PTPRT: variants seen among roughly 807,000 people sequenced by gnomAD.
PTPRT encodes the protein protein tyrosine phosphatase receptor type T, also known as receptor-type tyrosine-protein phosphatase T.
PTPRT carries 56 observed loss-of-function variants against 176.8 expected under a neutral mutation model. The observed-to-expected ratio is 0.32, with a 90% confidence interval of 0.26 to 0.40. The LOEUF (loss-of-function observed/expected upper bound fraction) is 0.40, where lower values mean the gene tolerates loss of function less well. Among genes scored for constraint, PTPRT ranks in the 10% least tolerant of loss-of-function variants. The pLI, the probability that PTPRT is intolerant of heterozygous loss-of-function variation, is 1.00. For missense variants in PTPRT, 1,540 were observed against 1,908.2 expected, an observed-to-expected ratio of 0.81 and a Z score of 3.60; for synonymous variants, 783 against 739.0, an observed-to-expected ratio of 1.06 and a Z score of -0.96.
At chr20:42,678,488 A>G (rs1386617376) in intron 6 of PTPRT, among the ~76,000 whole-genome samples, 1 of 151,908 alleles carries the variant, frequency 6.6e-6, no homozygotes, top group East Asian at 1.9e-4. Context: ...TGTAGTGCAG[A>G]TGGGGTTTCA....
At chr20:43,167,718 T>TGG (rs1568823506) in intron 1 of PTPRT, among the ~76,000 whole-genome samples, 2 of 152,162 alleles carry the variant, frequency 1.3e-5, no homozygotes, top group Non-Finnish European at 2.9e-5. Context: ...AGCCCACATA[T>TGG]GTTAGAAAGG....
intron 6 of PTPRT, among the ~76,000 whole-genome samples, chr20:42,722,621 C>A (rs1304800064): frequency 1.3e-5 from 2 of 152,142 alleles, no homozygotes; most frequent in Admixed American, 1.3e-4. Context: ...GCTCTCTGTC[C>A]AAAAGTAGGA....
At chr20:43,110,896 G>T (rs1343592723) in intron 1 of PTPRT, among the ~76,000 whole-genome samples, 3 of 152,182 alleles carry the variant, frequency 2.0e-5, no homozygotes, top group Non-Finnish European at 4.4e-5. Flanking sequence ...TCTTATGCTA[G>T]CTCCAGGGAC....
intron 2 of PTPRT, among the ~76,000 whole-genome samples, chr20:42,795,075 C>T (rs1051471790): frequency 5.9e-5 from 9 of 152,114 alleles, no homozygotes; most frequent in African/African-American, 2.2e-4. Flanking sequence ...TTAATATCAT[C>T]CCAGGGCTGT....
intron 1 of PTPRT, among the ~76,000 whole-genome samples, chr20:42,997,439 A>C (rs756357926): frequency 1.3e-5 from 2 of 152,176 alleles, no homozygotes; most frequent in Non-Finnish European, 2.9e-5. Flanking sequence ...CACTTGAGAG[A>C]AACTGAGCCC....
chr20:42,284,293 C>T (rs2057191194), intron 12 of PTPRT, among the ~76,000 whole-genome samples: 1 of 151,946 alleles, frequency 6.6e-6, no homozygotes, highest in African/African-American at 2.4e-5. Context: ...CCGTCTCCCC[C>T]AACCAAAAAT....
intron 1 of PTPRT, among the ~76,000 whole-genome samples, chr20:42,982,305 C>T (rs1983329435): frequency 6.6e-6 from 1 of 152,186 alleles, no homozygotes; most frequent in African/African-American, 2.4e-5. Flanking sequence ...TCCATCTGTC[C>T]TCACAGAGCT....
intron 1 of PTPRT, among the ~76,000 whole-genome samples, chr20:43,039,900 C>A (rs149077185): frequency 2.6e-5 from 4 of 152,028 alleles, no homozygotes; most frequent in South Asian, 2.1e-4. Flanking sequence ...AATTAGCCAG[C>A]TGCAGTGGCA....
Position 42,321,423 on chromosome 20 carries a change from C to A in PTPRT, c.1866-5427G>T, listed in dbSNP as rs539173021. Reference sequence around the variant, plus strand: ...TACAAAATCATAAACCTAGGTGATTCTGATGTTTATACGCTTGCCCTTATG... The same window carrying A: ...TACAAAATCATAAACCTAGGTGATTATGATGTTTATACGCTTGCCCTTATG... On this transcript the variant is annotated intron_variant, in intron 11 of 30. Transcript: ENST00000373187. Among the ~76,000 whole-genome samples the A allele has an allele frequency of 3.9e-5, 6 of 152,234 alleles. No homozygotes were observed. The East Asian group carries it at 7.7e-4, about 20-fold the overall frequency.
chr20:42,095,441 C>A (rs773067767), intron 27 of PTPRT, among the ~76,000 whole-genome samples: 2 of 152,198 alleles, frequency 1.3e-5, no homozygotes, highest in African/African-American at 4.8e-5. Context: ...CATGCCTACC[C>A]TGCAGCCTGG....
At chr20:42,633,999 TTA>T (rs376545714) in intron 7 of PTPRT, among the ~76,000 whole-genome samples, 2,008 of 26,600 alleles carry the variant, frequency 0.075, 122 homozygotes, top group Non-Finnish European at 0.089. Context: ...ATTATATATA[TTA>T]TATATATATA....
intron 27 of PTPRT, among the ~76,000 whole-genome samples, chr20:42,095,671 T>C (rs1363335088): frequency 6.6e-6 from 1 of 152,260 alleles, no homozygotes; most frequent in African/African-American, 2.4e-5. Flanking sequence ...TTCTAACTTA[T>C]AATTGAGCAC....
At chr20:43,024,516 G>T (rs1985834476) in intron 1 of PTPRT, among the ~76,000 whole-genome samples, 1 of 151,648 alleles carries the variant, frequency 6.6e-6, no homozygotes. Context: ...CTTGAACCTG[G>T]GAGGTGGAGG....
intron 6 of PTPRT, among the ~76,000 whole-genome samples, chr20:42,725,694 TAG>T (rs1555905705): frequency 6.6e-6 from 1 of 151,964 alleles, no homozygotes; most frequent in Non-Finnish European, 1.5e-5. Flanking sequence ...TGCGCAGAAA[TAG>T]AAACACTTTT....
intron 23 of PTPRT, among the ~76,000 whole-genome samples, chr20:42,108,052 C>G (rs1986636564): frequency 6.6e-6 from 1 of 152,090 alleles, no homozygotes; most frequent in African/African-American, 2.4e-5. Flanking sequence ...GGGGGGGTCA[C>G]TCGTGTTTTT....
chr20:42,295,475 A>G (rs1010616670), intron 12 of PTPRT, among the ~76,000 whole-genome samples: 7 of 152,222 alleles, frequency 4.6e-5, no homozygotes, highest in African/African-American at 1.7e-4. Context: ...AGTTCATCCA[A>G]AAAATACGAC....
intron 9 of PTPRT, among the ~76,000 whole-genome samples, chr20:42,381,368 G>A (rs534946490): frequency 2.9e-4 from 44 of 152,220 alleles, no homozygotes; most frequent in African/African-American, 8.7e-4. Context: ...CCAATTTGCC[G>A]CTTTCTATTT....
intron 1 of PTPRT, among the ~76,000 whole-genome samples, chr20:43,154,880 G>T (rs528357141): frequency 6.6e-6 from 1 of 152,220 alleles, no homozygotes; most frequent in Non-Finnish European, 1.5e-5. Context: ...ATTTTAAAAT[G>T]AGCAAAAGAC....
At chr20:42,330,270 A>G (rs1048938422) in intron 11 of PTPRT, among the ~76,000 whole-genome samples, 2 of 152,244 alleles carry the variant, frequency 1.3e-5, no homozygotes, top group African/African-American at 2.4e-5. Flanking sequence ...CGGGAGTTCA[A>G]CACTAGCCTC....
Sources: gnomAD v4.1 joint callset for allele counts (sites outside exome capture counted in the v4.1 genomes callset) on GRCh38, gnomAD v4.1.1 for gene constraint, MANE v1.5 for transcripts, NCBI Gene and HGNC (gene_info 2026-07-23, HGNC 2026-07-21) for gene names.